The following ARID2 variants were observed in gnomAD, a reference collection of about 807,000 sequenced individuals.
The protein encoded by ARID2 is AT-rich interaction domain 2.
A neutral mutation model predicts 184.6 loss-of-function variants in ARID2; 32 were observed. The ratio of observed to expected loss-of-function variants is 0.17; its 90% CI spans 0.13 to 0.23. The LOEUF (loss-of-function observed/expected upper bound fraction) is 0.23. ARID2 is among the 10% of genes least tolerant of loss of function. The pLI is 1.00. For missense variants in ARID2, 1,696 were observed against 2,197.6 expected, an observed-to-expected ratio of 0.77 and a Z score of 4.56; for synonymous variants, 836 against 772.6, an observed-to-expected ratio of 1.08 and a Z score of -1.36.
intron 3 of ARID2, among the ~76,000 whole-genome samples, chr12:45,761,896 A>G (rs994266079): frequency 6.6e-6 from 1 of 152,012 alleles, no homozygotes; most frequent in East Asian, 1.9e-4. Context: ...CGCTTTATTC[A>G]TCTTTTTGTC....
chr12:45,735,111 AT>A (rs534154198), intron 3 of ARID2, among the ~76,000 whole-genome samples: 13 of 147,280 alleles, frequency 8.8e-5, no homozygotes, highest in African/African-American at 2.0e-4. Context: ...AATTTATTCT[AT>A]TTTTTTTTTC....
intron 6 of ARID2, among the ~76,000 whole-genome samples, chr12:45,822,877 G>A (rs577364628): frequency 6.6e-6 from 1 of 152,070 alleles, no homozygotes; most frequent in South Asian, 2.1e-4. Context: ...ATTATAGTTC[G>A]GGACTTTACT....
At chr12:45,791,373 A>C (rs191486881) in intron 3 of ARID2, among the ~76,000 whole-genome samples, 501 of 152,314 alleles carry the variant, frequency 3.3e-3, no homozygotes, top group African/African-American at 0.012. Flanking sequence ...TTACATTTTA[A>C]AAATGTTAGG....
chr12:45,847,914 T>A (rs1943473851), intron 12 of ARID2, among the ~76,000 whole-genome samples: 1 of 152,076 alleles, frequency 6.6e-6, no homozygotes. Context: ...GTCTTCTACA[T>A]TGCAACCAAA....
chr12:45,874,810 T>C (rs1303587427), intron 16 of ARID2, among the ~76,000 whole-genome samples: 1 of 152,222 alleles, frequency 6.6e-6, no homozygotes, highest in Non-Finnish European at 1.5e-5. Flanking sequence ...CTATAGCAGC[T>C]ATAGCCTTAA....
intron 16 of ARID2, among the ~76,000 whole-genome samples, chr12:45,877,725 A>G (rs1199838117): frequency 6.6e-6 from 1 of 152,210 alleles, no homozygotes; most frequent in African/African-American, 2.4e-5. Flanking sequence ...TCTGTAAGCT[A>G]TAATCACCAG....
At chr12:45,787,305 C>T (rs188946790) in intron 3 of ARID2, among the ~76,000 whole-genome samples, 5 of 151,746 alleles carry the variant, frequency 3.3e-5, no homozygotes, top group Admixed American at 1.3e-4. Flanking sequence ...ATAGCCTCGA[C>T]CTCCCAGGCT....
At chr12:45,760,911 G>A (rs946956664) in intron 3 of ARID2, among the ~76,000 whole-genome samples, 10 of 151,844 alleles carry the variant, frequency 6.6e-5, no homozygotes, top group Non-Finnish European at 1.5e-4. Flanking sequence ...GCCTGGGCTG[G>A]AGTGCAGTGG....
intron 7 of ARID2, 37 bp from the exon 8 acceptor site, chr12:45,836,704 A>G (rs1236092167): frequency 1.3e-6 from 2 of 1,599,534 alleles, no homozygotes; most frequent in Admixed American, 1.7e-5. Flanking sequence ...GTATTAATAA[A>G]TGAAATATTA....
intron 3 of ARID2, among the ~76,000 whole-genome samples, chr12:45,742,637 A>G (rs530989059): frequency 6.6e-6 from 1 of 152,328 alleles, no homozygotes; most frequent in South Asian, 2.1e-4. Flanking sequence ...CAGCTGCATA[A>G]TGTTCCCATC....
At chr12:45,897,558 T>TA (rs1216822238) in intron 20 of ARID2, among the ~76,000 whole-genome samples, 1 of 152,100 alleles carries the variant, frequency 6.6e-6, no homozygotes, top group African/African-American at 2.4e-5. Context: ...GGCAGTTCCT[T>TA]AAAAAAACAA....
chr12:45,820,588 A>G (rs1942879610), intron 5 of ARID2, among the ~76,000 whole-genome samples: 1 of 152,196 alleles, frequency 6.6e-6, no homozygotes, highest in Non-Finnish European at 1.5e-5. Flanking sequence ...TTGGTTTCTA[A>G]AAGCAGTAAC....
chr12:45,857,134 A>G (rs1943665005), intron 15 of ARID2, among the ~76,000 whole-genome samples: 1 of 152,242 alleles, frequency 6.6e-6, no homozygotes, highest in African/African-American at 2.4e-5. Context: ...CCATAATCTG[A>G]TAACATGCCA....
At chr12:45,793,931 T>C (rs1942340725) in intron 3 of ARID2, among the ~76,000 whole-genome samples, 1 of 152,264 alleles carries the variant, frequency 6.6e-6, no homozygotes, top group East Asian at 1.9e-4. Context: ...TTAATAATTG[T>C]TTTTGTCTTT....
At chr12:45,823,618 G>A (rs993136289) in intron 6 of ARID2, among the ~76,000 whole-genome samples, 1 of 152,016 alleles carries the variant, frequency 6.6e-6, no homozygotes, top group Non-Finnish European at 1.5e-5. Flanking sequence ...CATTACAGCT[G>A]ATACTACAGA....
At chr12:45,831,735 T>C (rs1040383943) in intron 6 of ARID2, among the ~76,000 whole-genome samples, 21 of 152,212 alleles carry the variant, frequency 1.4e-4, no homozygotes, top group African/African-American at 5.1e-4. Context: ...TTTCCTGAGA[T>C]GTGAATGTTG....
At chr12:45,870,601 A>G (rs1432537668) in intron 16 of ARID2, among the ~76,000 whole-genome samples, 2 of 151,848 alleles carry the variant, frequency 1.3e-5, no homozygotes, top group African/African-American at 4.8e-5. Flanking sequence ...TTACCTATTT[A>G]TTCCTCCTCA....
chr12:45,784,310 A>C (rs1213265534), intron 3 of ARID2, among the ~76,000 whole-genome samples: 1 of 152,198 alleles, frequency 6.6e-6, no homozygotes, highest in Non-Finnish European at 1.5e-5. Flanking sequence ...CACAAGTCAC[A>C]GTATCCAGCC....
chr12:45,870,095 C>T (rs557392132), intron 16 of ARID2, among the ~76,000 whole-genome samples: 4 of 151,976 alleles, frequency 2.6e-5, no homozygotes, highest in African/African-American at 9.7e-5. Context: ...ACGCCATTCT[C>T]CTGCCTCAGC....
Sources: allele counts gnomAD v4.1 joint callset (sites outside exome capture counted in the v4.1 genomes callset), GRCh38; gene constraint gnomAD v4.1.1; transcripts MANE v1.5; gene names NCBI Gene and HGNC (gene_info 2026-07-23, HGNC 2026-07-21).